The following SGF29 variants were observed in gnomAD, a reference collection of about 807,000 sequenced individuals.
SGF29 encodes SAGA complex associated factor 29, also known as SAGA-associated factor 29.
In SGF29, 15 loss-of-function variants were observed where a neutral mutation model predicts 38.1. That is an observed-to-expected ratio of 0.39 (90% CI 0.26 to 0.61). SGF29 has a LOEUF of 0.61. SGF29 is among the 20% of genes least tolerant of loss of function. The pLI is 0.49. For missense variants in SGF29, 184 were observed against 394.6 expected, an observed-to-expected ratio of 0.47 and a Z score of 4.52; for synonymous variants, 151 against 160.8, an observed-to-expected ratio of 0.94 and a Z score of 0.46.
At chr16:28,573,283 C>T (rs1027430411) in intron 1 of SGF29, among the ~76,000 whole-genome samples, 4 of 152,156 alleles carry the variant, frequency 2.6e-5, no homozygotes, top group Middle Eastern at 6.8e-3. Flanking sequence ...GGGTGGCCGG[C>T]GAACTGCCAG....
chr16:28,577,527 G>A (rs1409432023), intron 1 of SGF29, among the ~76,000 whole-genome samples: 1 of 152,132 alleles, frequency 6.6e-6, no homozygotes, highest in African/African-American at 2.4e-5. Flanking sequence ...TGTTTTCAAG[G>A]TTCATCCATG....
At chr16:28,572,845 A>G (rs1336805742) in intron 1 of SGF29, among the ~76,000 whole-genome samples, 24 of 152,056 alleles carry the variant, frequency 1.6e-4, no homozygotes, top group Admixed American at 1.6e-3. Flanking sequence ...CTCCTCTCAC[A>G]CAGCCCCCTC....
chr16:28,590,621 T>C lies in SGF29; in HGVS notation c.567-10T>C. 1.2e-6 allele frequency: 2 copies of C among 1,613,554 alleles called. No individual in the cohort carries two copies. The highest frequency in any genetic ancestry group is 1.7e-6 in the Non-Finnish European group (2 of 1,179,970). On this transcript the variant is annotated splice_polypyrimidine_tract_variant and intron_variant, in intron 7 of 9. Transcript: ENST00000317058. The surrounding 1 kb of genome is among the most constrained non-coding windows in gnomAD (Gnocchi z 8.2). Reference sequence around the variant, plus strand: ...GGCTGCATCCAGCCTTTTCCTCCTTTTGTCTGCAGGTATGAGGTAGATGAC... The same window carrying C: ...GGCTGCATCCAGCCTTTTCCTCCTTCTGTCTGCAGGTATGAGGTAGATGAC...
chr16:28,591,329 C>A (rs1356727366), intron 9 of SGF29, among the ~76,000 whole-genome samples: 5 of 152,214 alleles, frequency 3.3e-5, no homozygotes, highest in African/African-American at 1.2e-4. Context: ...GCAGCAGACC[C>A]TCCAGCTATG....
At chr16:28,591,166 A>G (rs2046988101) in intron 9 of SGF29, among the ~76,000 whole-genome samples, 1 of 152,132 alleles carries the variant, frequency 6.6e-6, no homozygotes, top group Non-Finnish European at 1.5e-5. Flanking sequence ...CCCCAGGAGA[A>G]CCAGCTCCGA....
intron 1 of SGF29, among the ~76,000 whole-genome samples, chr16:28,566,091 G>A (rs1260115440): frequency 2.0e-5 from 3 of 151,546 alleles, no homozygotes; most frequent in Non-Finnish European, 2.9e-5. Flanking sequence ...GGCTAACACG[G>A]TGAAACCCCG....
At chr16:28,584,827 T>C in intron 2 of SGF29, 86 bp from the exon 3 acceptor site, 2 of 839,248 alleles carry the variant, frequency 2.4e-6, no homozygotes, top group Non-Finnish European at 3.8e-6. Flanking sequence ...GGCCGTATTT[T>C]GGGGATGGGG....
At chr16:28,588,401 A>G (rs1043874186) in intron 4 of SGF29, among the ~76,000 whole-genome samples, 1 of 151,924 alleles carries the variant, frequency 6.6e-6, no homozygotes, top group South Asian at 2.1e-4. Context: ...CCCTCTCCTC[A>G]TTTCAGGAGG....
intron 1 of SGF29, among the ~76,000 whole-genome samples, chr16:28,563,705 G>C (rs1296114636): frequency 6.8e-6 from 1 of 147,710 alleles, no homozygotes; most frequent in Non-Finnish European, 1.5e-5. Flanking sequence ...TGTTTTTCTA[G>C]AGAAACAGAC....
rs769931603 is a variant in SGF29, at chr16:28,590,089, C to A, written c.290-7C>A. On this transcript the variant is annotated splice_region_variant and splice_polypyrimidine_tract_variant and intron_variant, in intron 5 of 9. Coordinates refer to ENST00000317058, the MANE Select transcript of SGF29 (RefSeq NM_138414.3). The surrounding 1 kb of genome is among the most constrained non-coding windows in gnomAD (Gnocchi z 8.2). The stretch of plus-strand genomic sequence containing the variant: ...CTGGGGCCTCAGGCCTCCCTTCCTT[C>A]CCACAGCGGCCAAGATTGCCGGTCT... The A allele has an allele frequency of 1.2e-6, 2 of 1,609,288 alleles. No homozygotes were observed. Among genetic ancestry groups the A allele is most frequent in the Non-Finnish European group, 1.7e-6 (2 of 1,178,262 alleles).
intron 3 of SGF29, 54 bp from the exon 4 acceptor site, chr16:28,585,594 A>AT (rs1296222432): frequency 1.4e-6 from 2 of 1,467,402 alleles, no homozygotes; most frequent in African/African-American, 2.8e-5. Flanking sequence ...AAGCAGTGCC[A>AT]TGCTACTGTG....
chr16:28,588,691 A>G, intron 4 of SGF29: 3 of 399,966 alleles, frequency 7.5e-6, no homozygotes, highest in Non-Finnish European at 1.5e-5. Context: ...CAGCCTCCCA[A>G]GTAGGTGGGA....
intron 1 of SGF29, among the ~76,000 whole-genome samples, chr16:28,568,286 C>T (rs978049785): frequency 7.1e-5 from 9 of 127,514 alleles, no homozygotes; most frequent in Non-Finnish European, 1.2e-4. Flanking sequence ...GCACTCTAGC[C>T]TGGGCAGCAA....
rs1310300381 is a variant in SGF29, at chr16:28,564,539, GTATATATATACGTATA to G, written c.-16+10465_-16+10480del. Among the ~76,000 whole-genome samples the G allele has an allele frequency of 1.3e-3, 116 of 89,028 alleles. 2 individuals are homozygous for G. The highest frequency in any genetic ancestry group is 4.9e-3 in the Middle Eastern group (1 of 206). 58.4% of individuals were successfully genotyped at this position (89,028 alleles called of 152,430 possible). On this transcript the variant is annotated intron_variant, in intron 1 of 9. Coordinates refer to ENST00000317058, the MANE Select transcript of SGF29 (RefSeq NM_138414.3). ...TATATATGTGTGTGTATATATATAT[GTATATATATACGTATA>G]TATATATATACGTATATATATACAC...
intron 1 of SGF29, among the ~76,000 whole-genome samples, chr16:28,557,788 C>T (rs540057156): frequency 6.6e-6 from 1 of 152,234 alleles, no homozygotes; most frequent in South Asian, 2.1e-4. Context: ...GAAATCTCCA[C>T]ACATTTGGCC....
At chr16:28,583,785 A>T (rs987623955) in intron 2 of SGF29, among the ~76,000 whole-genome samples, 1 of 152,180 alleles carries the variant, frequency 6.6e-6, no homozygotes, top group East Asian at 1.9e-4. Flanking sequence ...TGATTACCGT[A>T]GCTTCGTAAT....
At chr16:28,562,681 T>A (rs1466527611) in intron 1 of SGF29, among the ~76,000 whole-genome samples, 1 of 151,808 alleles carries the variant, frequency 6.6e-6, no homozygotes, top group African/African-American at 2.4e-5. Context: ...GGCGGGAGGA[T>A]TGCCTGCGCC....
intron 1 of SGF29, among the ~76,000 whole-genome samples, chr16:28,562,965 A>G (rs2046798839): frequency 6.7e-6 from 1 of 149,404 alleles, no homozygotes; most frequent in Non-Finnish European, 1.5e-5. Flanking sequence ...TTGAAGTCTG[A>G]GTAGAAGACT....
chr16:28,557,520 G>A (rs1465854593), intron 1 of SGF29, among the ~76,000 whole-genome samples: 1 of 152,176 alleles, frequency 6.6e-6, no homozygotes, highest in Non-Finnish European at 1.5e-5. Flanking sequence ...AGTGCTGAGA[G>A]CTGCTCCTGC....
Sources: allele counts gnomAD v4.1 joint callset (sites outside exome capture counted in the v4.1 genomes callset), GRCh38; gene constraint gnomAD v4.1.1; non-coding constraint Gnocchi (gnomAD v3.1); transcripts MANE v1.5; gene names NCBI Gene and HGNC (gene_info 2026-07-23, HGNC 2026-07-21).